The following AP3S2 variants were observed in gnomAD, a reference collection of about 807,000 sequenced individuals.
AP3S2 encodes adaptor related protein complex 3 subunit sigma 2.
Under a neutral mutation model 23.4 loss-of-function variants are expected in AP3S2, and 22 were observed. That is an observed-to-expected ratio of 0.94 (90% CI 0.67 to 1.34). The LOEUF is 1.34. Ranked by LOEUF, AP3S2 falls within the 40% of genes most tolerant of loss-of-function variation. The pLI, the probability that AP3S2 is intolerant of heterozygous loss-of-function variation, is 0.00. For synonymous variants in AP3S2, 86 were observed against 87.1 expected, an observed-to-expected ratio of 0.99 and a Z score of 0.07; for missense variants, 241 against 236.9, an observed-to-expected ratio of 1.02 and a Z score of -0.11.
intron 3 of AP3S2, chr15:89,877,247 C>T (rs72756562): frequency 3.1e-5 from 34 of 1,110,008 alleles, no homozygotes; most frequent in South Asian, 4.8e-5. Flanking sequence ...TAAAGAGGAA[C>T]GGGATTGGGT....
chr15:89,875,467 C>A (rs1424915192), intron 3 of AP3S2, among the ~76,000 whole-genome samples: 2 of 152,180 alleles, frequency 1.3e-5, no homozygotes, highest in Non-Finnish European at 2.9e-5. Context: ...GACGAAAACA[C>A]AAAGCGCATG....
chr15:89,885,876 G>GATT (rs1351051699), intron 3 of AP3S2, among the ~76,000 whole-genome samples: 1 of 148,692 alleles, frequency 6.7e-6, no homozygotes, highest in African/African-American at 2.5e-5. Flanking sequence ...GGGAGATGGA[G>GATT]GCTGCAGTGA....
chr15:89,872,113 T>C (rs1358171451), intron 3 of AP3S2, among the ~76,000 whole-genome samples: 1 of 84,374 alleles, frequency 1.2e-5, no homozygotes, highest in East Asian at 3.9e-4. Context: ...AGTGAGAGTC[T>C]CTCAAAAAAA....
At chr15:89,869,567 T>TA (rs527600193) in intron 4 of AP3S2, among the ~76,000 whole-genome samples, 33,898 of 123,018 alleles carry the variant, frequency 0.28, 4,339 homozygotes, top group South Asian at 0.34. Context: ...GAATTATCAA[T>TA]AAAAAAAAAA....
intron 3 of AP3S2, among the ~76,000 whole-genome samples, chr15:89,873,377 T>C (rs11855849): frequency 1.6e-4 from 24 of 151,518 alleles, no homozygotes; most frequent in African/African-American, 4.4e-4. Context: ...CTCTGCCTCC[T>C]GGGTTCAAGC....
chr15:89,892,020 A>T (rs1896831805), intron 1 of AP3S2, among the ~76,000 whole-genome samples: 1 of 152,258 alleles, frequency 6.6e-6, no homozygotes, highest in Non-Finnish European at 1.5e-5. Context: ...TGGCATATCC[A>T]TATAATGGAA....
In AP3S2 at chr15:89,876,049, C is replaced by T. The variant is rs1244492304; in HGVS notation, c.274-4503G>A. Reference sequence around the variant, plus strand: ...AAGATACAGGTCTCGTGAAAGGCATCATCGTAGTAGAGGGAAAAGAAGTAG... The same window carrying T: ...AAGATACAGGTCTCGTGAAAGGCATTATCGTAGTAGAGGGAAAAGAAGTAG... On this transcript the variant is annotated intron_variant, in intron 3 of 5. Coordinates refer to ENST00000336418, the MANE Select transcript of AP3S2 (RefSeq NM_005829.5). 2.0e-5 allele frequency among the ~76,000 whole-genome samples: 3 copies of T among 152,284 alleles called. No homozygotes were observed. The East Asian group carries it at 5.8e-4, about 29-fold the overall frequency.
At chr15:89,882,100 G>C (rs1896583536) in intron 3 of AP3S2, among the ~76,000 whole-genome samples, 1 of 152,028 alleles carries the variant, frequency 6.6e-6, no homozygotes, top group Admixed American at 6.6e-5. Context: ...GGGGTTACAG[G>C]TGTGAGCCAC....
intron 4 of AP3S2, among the ~76,000 whole-genome samples, chr15:89,854,355 C>CA: frequency 3.9e-5 from 2 of 51,732 alleles, no homozygotes; most frequent in Non-Finnish European, 4.1e-5. Flanking sequence ...GGGGGGTCAG[C>CA]CCCCCGCCTG....
chr15:89,861,487 T>A (rs1478772052), intron 4 of AP3S2, among the ~76,000 whole-genome samples: 1 of 152,114 alleles, frequency 6.6e-6, no homozygotes, highest in Non-Finnish European at 1.5e-5. Context: ...TCACCATAAT[T>A]AACACCAACA....
At chr15:89,873,906 G>T (rs1361669713) in intron 3 of AP3S2, among the ~76,000 whole-genome samples, 2 of 121,708 alleles carry the variant, frequency 1.6e-5, no homozygotes, top group African/African-American at 3.1e-5. Flanking sequence ...TTTGAGACAA[G>T]GTCTCACTCT....
chr15:89,892,281 T>G (rs1896837603), intron 1 of AP3S2, among the ~76,000 whole-genome samples: 1 of 152,210 alleles, frequency 6.6e-6, no homozygotes, highest in Non-Finnish European at 1.5e-5. Context: ...GGCAGAGGTT[T>G]CTTTTTGGGG....
intron 3 of AP3S2, chr15:89,877,080 T>A (rs1401090520): frequency 7.1e-6 from 2 of 282,762 alleles, no homozygotes; most frequent in African/African-American, 4.5e-5. Flanking sequence ...AGGACCAAAA[T>A]GTCATATATA....
chr15:89,885,965 T>A (rs929400473), intron 3 of AP3S2, among the ~76,000 whole-genome samples: 10 of 151,976 alleles, frequency 6.6e-5, no homozygotes, highest in Non-Finnish European at 1.2e-4. Context: ...AATCAAACTT[T>A]TTAGTTCCTA....
rs1379396129 is a variant in AP3S2, at chr15:89,867,767, TCTGCCTGGCAACCA to T, written c.345+3694_345+3707del. ...CCCTGTCTGAGAAGTGAGGAGACCC[TCTGCCTGGCAACCA>T]CCCCGTATGAGAAGTGAGGAGCCCC... On this transcript the variant is annotated intron_variant, in intron 4 of 5. Transcript: ENST00000336418. Among the ~76,000 whole-genome samples, 218 of 137,082 alleles carry T rather than the reference TCTGCCTGGCAACCA, an allele frequency of 1.6e-3. 1 individual carries two copies. Among genetic ancestry groups the T allele is most frequent in the African/African-American group, 5.7e-3 (207 of 36,076 alleles). 89.9% of individuals were successfully genotyped at this position (137,082 alleles called of 152,430 possible).
intron 3 of AP3S2, among the ~76,000 whole-genome samples, chr15:89,873,820 CTAAT>C (rs1896376527): frequency 1.4e-5 from 2 of 144,260 alleles, no homozygotes. Flanking sequence ...TATTTTATTT[CTAAT>C]TAATAAATGG....
chr15:89,862,071 G>A (rs1555446803), intron 4 of AP3S2, among the ~76,000 whole-genome samples: 2 of 152,160 alleles, frequency 1.3e-5, no homozygotes, highest in African/African-American at 4.8e-5. Context: ...CACAAATTGT[G>A]GAGAGCCTTG....
rs796879845 is a variant in AP3S2, at chr15:89,868,004, C to T, written c.345+3471G>A. 9.3e-3 allele frequency among the ~76,000 whole-genome samples: 1,343 copies of T among 144,126 alleles called. 8 individuals are homozygous for T. The highest frequency in any genetic ancestry group is 0.015 in the Non-Finnish European group (969 of 64,826). The allele number at this position is 144,126 out of a possible 152,430, so 94.6% of individuals were successfully genotyped here. A position where few individuals can be genotyped will look rare whatever the true frequency, so the allele number is the denominator to read the frequency against. On this transcript the variant is annotated intron_variant, in intron 4 of 5. Transcript: ENST00000336418. ...GAGGGAGGTGGGGGGGTCAGCCCCCCGCCCGGCCAGCCGCCCCGTCCAGGA... is the reference window on the plus strand; with the variant it reads ...GAGGGAGGTGGGGGGGTCAGCCCCCTGCCCGGCCAGCCGCCCCGTCCAGGA...
intron 5 of AP3S2, 79 bp downstream of exon 5, chr15:89,837,536 A>C: frequency 1.3e-6 from 2 of 1,549,694 alleles, no homozygotes; most frequent in Non-Finnish European, 8.9e-7. Context: ...CAGCAACACA[A>C]ACCAACACAT....
Sources: allele counts gnomAD v4.1 joint callset (sites outside exome capture counted in the v4.1 genomes callset), GRCh38; gene constraint gnomAD v4.1.1; transcripts MANE v1.5; gene names NCBI Gene and HGNC (gene_info 2026-07-23, HGNC 2026-07-21).